SHISA6: variants seen among roughly 807,000 people sequenced by gnomAD.
SHISA6 encodes shisa family member 6.
In SHISA6, 22 loss-of-function variants were observed where a neutral mutation model predicts 47.9. The ratio of observed to expected loss-of-function variants is 0.46; its 90% CI spans 0.33 to 0.66. SHISA6 has a LOEUF of 0.66. Ranked by LOEUF, SHISA6 falls within the 30% of genes least tolerant of loss-of-function variation. The pLI is 0.02. For missense variants in SHISA6, 680 were observed against 764.6 expected (o/e 0.89, Z 1.30); for synonymous variants, 388 against 337.8 (o/e 1.15, Z -1.63).
chr17:11,360,934 C>G (rs1424478152), intron 2 of SHISA6, among the ~76,000 whole-genome samples: 2 of 151,032 alleles, frequency 1.3e-5, no homozygotes, highest in African/African-American at 2.4e-5. Context: ...TTGTTTTTCT[C>G]AAACAGAACA....
chr17:11,304,059 G>T (rs377624355), intron 2 of SHISA6, among the ~76,000 whole-genome samples: 5 of 152,204 alleles, frequency 3.3e-5, no homozygotes, highest in African/African-American at 1.2e-4. Flanking sequence ...GCCATATCAG[G>T]AAGGCCTTCT....
chr17:11,396,902 G>A (rs944158754), intron 3 of SHISA6, among the ~76,000 whole-genome samples: 8 of 152,132 alleles, frequency 5.3e-5, no homozygotes, highest in African/African-American at 1.9e-4. Flanking sequence ...AGAACTTAAA[G>A]TAAAATTTTA....
At chr17:11,324,534 G>A (rs1910811248) in intron 2 of SHISA6, among the ~76,000 whole-genome samples, 1 of 152,084 alleles carries the variant, frequency 6.6e-6, no homozygotes, top group South Asian at 2.1e-4. Flanking sequence ...TTCCTTCATG[G>A]AAATCTGTAA....
intron 3 of SHISA6, among the ~76,000 whole-genome samples, chr17:11,441,986 T>C (rs917984784): frequency 6.6e-6 from 1 of 152,196 alleles, no homozygotes; most frequent in Non-Finnish European, 1.5e-5. Flanking sequence ...GAGGTAGCCA[T>C]GGGCAAAGCC....
At chr17:11,363,049 CTT>C (rs1175110641) in intron 2 of SHISA6, among the ~76,000 whole-genome samples, 1 of 152,210 alleles carries the variant, frequency 6.6e-6, no homozygotes, top group Admixed American at 6.5e-5. Context: ...GGTGCAGTCT[CTT>C]TCCCTCATTC....
chr17:11,532,739 C>CTTTTTTTTTTTTTTTTTT, intron 3 of SHISA6, among the ~76,000 whole-genome samples: 1 of 71,256 alleles, frequency 1.4e-5, no homozygotes, highest in Non-Finnish European at 2.4e-5. Flanking sequence ...TCTATCAGGG[C>CTTTTTTTTTTTTTTTTTT]TTTTTTTTTT....
chr17:11,401,874 A>C (rs1323684395), intron 3 of SHISA6, among the ~76,000 whole-genome samples: 2 of 152,202 alleles, frequency 1.3e-5, no homozygotes, highest in East Asian at 3.9e-4. Flanking sequence ...GGGGCTCTTA[A>C]TCTTTCTCCA....
chr17:11,276,361 G>A (rs1908892450), intron 2 of SHISA6, among the ~76,000 whole-genome samples: 2 of 152,256 alleles, frequency 1.3e-5, no homozygotes, highest in Admixed American at 1.3e-4. Flanking sequence ...GGTGATGGGA[G>A]GGAGATGGGA....
intron 1 of SHISA6, among the ~76,000 whole-genome samples, chr17:11,247,232 C>G (rs565184684): frequency 2.8e-4 from 43 of 152,352 alleles, no homozygotes; most frequent in African/African-American, 9.9e-4. Context: ...GGCTAATTCA[C>G]TAGCTCCAGA....
At chr17:11,272,001 C>G (rs1211300019) in intron 2 of SHISA6, among the ~76,000 whole-genome samples, 3 of 151,984 alleles carry the variant, frequency 2.0e-5, no homozygotes, top group Non-Finnish European at 4.4e-5. Flanking sequence ...TCCCCGACAG[C>G]CAAACTTTGC....
intron 1 of SHISA6, among the ~76,000 whole-genome samples, chr17:11,257,433 G>T (rs1370302777): frequency 6.6e-6 from 1 of 152,084 alleles, no homozygotes; most frequent in African/African-American, 2.4e-5. Flanking sequence ...GGCTGAGGGA[G>T]GCAGATTGCC....
chr17:11,438,310 G>GT (rs1914997358), intron 3 of SHISA6, among the ~76,000 whole-genome samples: 1 of 152,254 alleles, frequency 6.6e-6, no homozygotes, highest in South Asian at 2.1e-4. Context: ...TGCTTCATTA[G>GT]TAACTGTATT....
At chr17:11,355,752 T>TG (rs1157056344) in intron 2 of SHISA6, among the ~76,000 whole-genome samples, 4 of 152,348 alleles carry the variant, frequency 2.6e-5, no homozygotes, top group Admixed American at 2.6e-4. Context: ...GCCAGCCTCT[T>TG]GGGGTCCCCA....
At chr17:11,512,727 A>AT (rs1481806054) in intron 3 of SHISA6, among the ~76,000 whole-genome samples, 2 of 152,180 alleles carry the variant, frequency 1.3e-5, no homozygotes, top group African/African-American at 4.8e-5. Flanking sequence ...GATTATGTAC[A>AT]TCCAAACAAT....
intron 2 of SHISA6, among the ~76,000 whole-genome samples, chr17:11,318,791 A>G (rs1886062339): frequency 1.3e-5 from 2 of 152,210 alleles, no homozygotes; most frequent in African/African-American, 4.8e-5. Flanking sequence ...AATGACAAAT[A>G]TCCTCATAAG....
At position 11,241,959 on chromosome 17, in the gene SHISA6, C is replaced by T; in HGVS notation, c.537C>T (p.Tyr179=). 6 of 1,551,014 alleles carry T rather than the reference C, an allele frequency of 3.9e-6. No individual in the cohort carries two copies. Among genetic ancestry groups the T allele is most frequent in the Non-Finnish European group, 5.2e-6 (6 of 1,147,034 alleles). The change falls in exon 1 of 6, where the codon TAC becomes TAT. Residue 179 remains tyrosine, a synonymous_variant. Coordinates refer to ENST00000441885, the MANE Select transcript of SHISA6 (RefSeq NM_207386.4). This position sits in a 1 kb window ranked among gnomAD's most constrained non-coding sequence, Gnocchi z 5.5. ...PEKDKTNFTV[Y]ITCGVIAFVI... is the part of the protein sequence containing the mutation. ...AGGACAAGACCAACTTCACCGTCTACATCACCTGCGGGGTGATCGCCTTCG... is the reference window on the plus strand; with the variant it reads ...AGGACAAGACCAACTTCACCGTCTATATCACCTGCGGGGTGATCGCCTTCG...
At chr17:11,452,249 G>T (rs1915419857) in intron 3 of SHISA6, among the ~76,000 whole-genome samples, 1 of 152,204 alleles carries the variant, frequency 6.6e-6, no homozygotes, top group Non-Finnish European at 1.5e-5. Flanking sequence ...GTATTTCTTT[G>T]TGGGATGCTT....
chr17:11,419,418 A>G (rs2142280030), intron 3 of SHISA6, among the ~76,000 whole-genome samples: 1 of 152,262 alleles, frequency 6.6e-6, no homozygotes, highest in African/African-American at 2.4e-5. Context: ...TGAGAAGGGA[A>G]AAGTTTTAGG....
At chr17:11,426,701 G>A (rs562417883) in intron 3 of SHISA6, among the ~76,000 whole-genome samples, 1 of 152,284 alleles carries the variant, frequency 6.6e-6, no homozygotes, top group Admixed American at 6.5e-5. Flanking sequence ...AGAGTAAATA[G>A]AGATTTTTTA....
Sources: gnomAD v4.1 joint callset for allele counts (sites outside exome capture counted in the v4.1 genomes callset) on GRCh38, gnomAD v4.1.1 for gene constraint, Gnocchi (gnomAD v3.1) non-coding constraint, MANE v1.5 for transcripts, NCBI Gene and HGNC (gene_info 2026-07-23, HGNC 2026-07-21) for gene names.